The following SEH1L variants were observed in gnomAD, a reference collection of about 807,000 sequenced individuals.
SEH1L encodes the protein nucleoporin SEH1.
Under a neutral mutation model 49.5 loss-of-function variants are expected in SEH1L, and 18 were observed. The observed-to-expected ratio is 0.36, with a 90% CI of 0.25 to 0.54. The LOEUF is 0.54. Ranked by LOEUF, SEH1L falls within the 20% of genes least tolerant of loss-of-function variation. SEH1L has a pLI of 0.87. For synonymous variants in SEH1L, 169 were observed against 178.1 expected, an observed-to-expected ratio of 0.95 and a Z score of 0.41; for missense variants, 404 against 528.8, an observed-to-expected ratio of 0.76 and a Z score of 2.31.
intron 3 of SEH1L, among the ~76,000 whole-genome samples, chr18:12,959,296 GTTTTGGA>G (rs942069990): frequency 2.6e-5 from 4 of 152,152 alleles, no homozygotes; most frequent in African/African-American, 7.2e-5. Flanking sequence ...ATCCAGAAAT[GTTTTGGA>G]TTTTGGATTT....
chr18:12,979,371 G>T (rs1475146028), intron 6 of SEH1L, among the ~76,000 whole-genome samples: 1 of 149,244 alleles, frequency 6.7e-6, no homozygotes, highest in Non-Finnish European at 1.5e-5. Context: ...GTTTCAGAGA[G>T]CACAGGGTTG....
At chr18:12,984,249 A>G (rs949179177) in intron 8 of SEH1L, 59 bp downstream of exon 8, 3 of 1,528,434 alleles carry the variant, frequency 2.0e-6, no homozygotes, top group Admixed American at 1.7e-5. Flanking sequence ...TCTGGTAGCC[A>G]TACTTAAGGT....
chr18:12,982,709 A>G, intron 7 of SEH1L, 34 bp downstream of exon 7: 2 of 1,500,868 alleles, frequency 1.3e-6, no homozygotes, highest in Non-Finnish European at 1.8e-6. Context: ...TTGTTGGTTT[A>G]TATTTCTGCT....
chr18:12,949,855 C>G (rs2030409378), intron 1 of SEH1L, among the ~76,000 whole-genome samples: 1 of 152,028 alleles, frequency 6.6e-6, no homozygotes, highest in African/African-American at 2.4e-5. Context: ...TTTCATCATC[C>G]TAAACTGAAA....
intron 5 of SEH1L, chr18:12,977,117 G>C (rs1470811121): frequency 6.6e-6 from 1 of 152,250 alleles, no homozygotes; most frequent in East Asian, 1.9e-4. Flanking sequence ...TGATTGGATG[G>C]GTGAGAAAGA....
chr18:12,979,905 G>A (rs565825471), intron 6 of SEH1L, among the ~76,000 whole-genome samples: 8 of 131,372 alleles, frequency 6.1e-5, no homozygotes, highest in African/African-American at 1.2e-4. Context: ...CGGACGGGGC[G>A]GCTGGCCGGG....
chr18:12,963,130 T>A (rs1281564238), intron 3 of SEH1L, 30 bp from the exon 4 acceptor site: 5 of 1,499,964 alleles, frequency 3.3e-6, no homozygotes, highest in Non-Finnish European at 4.6e-6. Context: ...TTTTTGTATA[T>A]AATTTAAATT....
chr18:12,985,596 G>A, intron 8 of SEH1L: 3 of 1,057,934 alleles, frequency 2.8e-6, no homozygotes, highest in Non-Finnish European at 2.3e-6. Flanking sequence ...GTTGGGAGGA[G>A]GGGAATACCA....
chr18:12,978,431 C>A, intron 5 of SEH1L: 1 of 189,738 alleles, frequency 5.3e-6, no homozygotes, highest in East Asian at 1.3e-4. Flanking sequence ...CACATGGCTG[C>A]CTCCTCTCTG....
At chr18:12,953,683 C>T (rs2030685773) in intron 2 of SEH1L, among the ~76,000 whole-genome samples, 1 of 152,084 alleles carries the variant, frequency 6.6e-6, no homozygotes. Flanking sequence ...GTGAGGTTAA[C>T]TTATAAAATT....
intron 3 of SEH1L, among the ~76,000 whole-genome samples, chr18:12,958,407 G>T (rs947075642): frequency 2.6e-5 from 4 of 152,042 alleles, no homozygotes; most frequent in Admixed American, 2.6e-4. Flanking sequence ...TTTGTAAATG[G>T]TATAATTCAG....
chr18:12,952,776 CTTCTT>C (rs2030620583), intron 2 of SEH1L, among the ~76,000 whole-genome samples: 1 of 135,260 alleles, frequency 7.4e-6, no homozygotes, highest in African/African-American at 2.7e-5. Context: ...CCTCTCTTCT[CTTCTT>C]TTCTTTTTTT....
chr18:12,987,518 A>G lies in SEH1L; in HGVS notation c.*461A>G, dbSNP rs1324780208. 1 of 149,362 alleles carries G rather than the reference A, an allele frequency of 6.7e-6. No individual in the cohort carries two copies. The highest frequency in any genetic ancestry group is 2.5e-5 in the African/African-American group (1 of 40,484). The allele number at this position is 149,362 out of a possible 1,614,324, so 9.3% of individuals were successfully genotyped here. A position where few individuals can be genotyped will look rare whatever the true frequency, so the allele number is the denominator to read the frequency against. ...TATGTAAAATAAATCATTCCTGTGT[A>G]TAAAGCAGCAAAACCTAATGTGGAC... On this transcript the variant is annotated 3_prime_UTR_variant, in exon 9 of 9. Coordinates refer to ENST00000399892, the MANE Select transcript of SEH1L (RefSeq NM_001013437.2).
At chr18:12,979,117 G>T (rs1228376728) in intron 6 of SEH1L, among the ~76,000 whole-genome samples, 2 of 150,186 alleles carry the variant, frequency 1.3e-5, no homozygotes, top group African/African-American at 2.5e-5. Flanking sequence ...TTCTCCCAGA[G>T]GGGGATTTGG....
chr18:12,971,346 A>T (rs1296391189), intron 5 of SEH1L, 95 bp downstream of exon 5: 40 of 837,784 alleles, frequency 4.8e-5, no homozygotes, highest in Non-Finnish European at 7.0e-5. Flanking sequence ...TGTGTCATTC[A>T]TCATATGTTT....
intron 3 of SEH1L, among the ~76,000 whole-genome samples, chr18:12,961,133 G>T (rs1302459885): frequency 1.3e-5 from 2 of 152,274 alleles, no homozygotes; most frequent in Non-Finnish European, 2.9e-5. Flanking sequence ...TGCCTGGGAG[G>T]GGCTGCGTGT....
chr18:12,986,851 C>T lies in SEH1L; in HGVS notation c.1071-11C>T. On this transcript the variant is annotated splice_polypyrimidine_tract_variant and intron_variant, in intron 8 of 8. Coordinates refer to ENST00000399892, the MANE Select transcript of SEH1L (RefSeq NM_001013437.2). Reference sequence around the variant, plus strand: ...TTGTTTGGTGTTTTGTTCCTGTCTTCATTGTTTCAGGTATTTCTTTACCCC... The same window carrying T: ...TTGTTTGGTGTTTTGTTCCTGTCTTTATTGTTTCAGGTATTTCTTTACCCC... 7.2e-7 allele frequency: 1 copy of T among 1,396,170 alleles called. No homozygotes were observed. The highest frequency in any genetic ancestry group is 2.7e-5 in the Admixed American group (1 of 37,198). 86.5% of individuals were successfully genotyped at this position (1,396,170 alleles called of 1,614,324 possible).
intron 8 of SEH1L, chr18:12,985,269 G>GT (rs1268667520): frequency 6.2e-7 from 1 of 1,608,252 alleles, no homozygotes; most frequent in Non-Finnish European, 8.5e-7. Context: ...GCTAACTGGA[G>GT]TAACTTTGCT....
intron 8 of SEH1L, chr18:12,986,578 T>C: frequency 1.0e-6 from 1 of 980,774 alleles, no homozygotes; most frequent in Non-Finnish European, 1.2e-6. Flanking sequence ...TGTTTTTCTT[T>C]GTAACATTTA....
Sources: gnomAD v4.1 joint callset for allele counts (sites outside exome capture counted in the v4.1 genomes callset) on GRCh38, gnomAD v4.1.1 for gene constraint, MANE v1.5 for transcripts, NCBI Gene and HGNC (gene_info 2026-07-23, HGNC 2026-07-21) for gene names.